CA8: variants seen among roughly 807,000 people sequenced by gnomAD.
The protein encoded by CA8 is carbonic anhydrase-related protein.
In CA8, 22 loss-of-function variants were observed where a neutral mutation model predicts 41.4. The observed-to-expected ratio is 0.53, with a 90% CI of 0.38 to 0.76. The LOEUF (loss-of-function observed/expected upper bound fraction) is 0.76, where lower values mean the gene tolerates loss of function less well. Ranked by LOEUF, CA8 falls within the 30% of genes least tolerant of loss-of-function variation. CA8 has a pLI of 0.00. For synonymous variants in CA8, 121 were observed against 130.6 expected (o/e 0.93, Z 0.50); for missense variants, 270 against 352.8 (o/e 0.77, Z 1.88).
intron 7 of CA8, among the ~76,000 whole-genome samples, chr8:60,213,529 G>T (rs1585858999): frequency 6.6e-6 from 1 of 152,194 alleles, no homozygotes; most frequent in African/African-American, 2.4e-5. Context: ...CACTGTCCAG[G>T]ATGGCAGCCA....
chr8:60,235,040 C>A (rs546371617), intron 3 of CA8, among the ~76,000 whole-genome samples: 1 of 152,312 alleles, frequency 6.6e-6, no homozygotes, highest in Non-Finnish European at 1.5e-5. Context: ...TCTGCACCTG[C>A]GCTGCCTCTC....
chr8:60,185,862 A>G lies in CA8; in HGVS notation c.*4159T>C, dbSNP rs1433513281. Among the ~76,000 whole-genome samples, 1 of 152,062 alleles carries G rather than the reference A, an allele frequency of 6.6e-6. No homozygotes were observed. The highest frequency in any genetic ancestry group is 6.6e-5 in the Admixed American group (1 of 15,258). On this transcript the variant is annotated 3_prime_UTR_variant, in exon 9 of 9. Transcript: ENST00000317995. ...AATTTGAATCCATTCCAAAAAAAAA[A>G]GGGCACTGGTAAATGTAATTATGTA... is the stretch of plus-strand genomic sequence containing the variant.
intron 3 of CA8, among the ~76,000 whole-genome samples, chr8:60,254,498 T>C (rs1428934097): frequency 1.3e-5 from 2 of 152,202 alleles, no homozygotes; most frequent in Non-Finnish European, 2.9e-5. Flanking sequence ...ACGTCAGCGC[T>C]GGTAAGTTAA....
At position 60,193,131 on chromosome 8, in the gene CA8, CACA is replaced by C. The variant is rs536127493; in HGVS notation, c.*36-3149_*36-3147del. ...TACATGTGTTAATTTTTCTTTCCTG[CACA>C]ACATTTTGTTTTCTCTGGAGTGATA... On this transcript the variant is annotated intron_variant, in intron 8 of 8. Coordinates refer to ENST00000317995, the MANE Select transcript of CA8 (RefSeq NM_004056.6). Among the ~76,000 whole-genome samples the C allele has an allele frequency of 2.2e-3, 342 of 152,224 alleles. 2 individuals carry two copies. Among genetic ancestry groups the C allele is most frequent in the Admixed American group, 4.3e-3 (65 of 15,268 alleles).
At chr8:60,244,361 G>C (rs1808146295) in intron 3 of CA8, among the ~76,000 whole-genome samples, 1 of 152,134 alleles carries the variant, frequency 6.6e-6, no homozygotes, top group Non-Finnish European at 1.5e-5. Flanking sequence ...CTGCTCATCA[G>C]GTGCTCCTAT....
At chr8:60,215,429 G>T (rs186881757) in intron 7 of CA8, among the ~76,000 whole-genome samples, 56 of 151,914 alleles carry the variant, frequency 3.7e-4, no homozygotes, top group Admixed American at 1.2e-3. Flanking sequence ...TGGGAAGGGG[G>T]TGAGGGATAA....
chr8:60,215,687 T>C (rs536606870), intron 7 of CA8, among the ~76,000 whole-genome samples: 1 of 152,272 alleles, frequency 6.6e-6, no homozygotes, highest in African/African-American at 2.4e-5. Context: ...CCAGGAATAA[T>C]ATGAAAAATT....
chr8:60,188,375 G>A lies in CA8; in HGVS notation c.*1646C>T, dbSNP rs142375914. 2.0e-5 allele frequency: 3 copies of A among 152,302 alleles called. No homozygotes were observed. Among genetic ancestry groups the A allele is most frequent in the Non-Finnish European group, 4.4e-5 (3 of 68,028 alleles). The allele number at this position is 152,302 out of a possible 1,614,324, so 9.4% of individuals were successfully genotyped here. On this transcript the variant is annotated 3_prime_UTR_variant, in exon 9 of 9. Coordinates refer to ENST00000317995, the MANE Select transcript of CA8 (RefSeq NM_004056.6). Reference sequence around the variant, plus strand: ...GCACCAACCCGGTCAGGAGTGGAGAGGCTGGTACCTGTGCAGTGTTTTGTT... The same window carrying A: ...GCACCAACCCGGTCAGGAGTGGAGAAGCTGGTACCTGTGCAGTGTTTTGTT...
chr8:60,216,109 C>T (rs1020261824), intron 7 of CA8, among the ~76,000 whole-genome samples: 2 of 152,178 alleles, frequency 1.3e-5, no homozygotes, highest in Non-Finnish European at 2.9e-5. Context: ...CTCTCTCCTC[C>T]CCTTCTCAAT....
chr8:60,270,969 T>C (rs754802182), intron 2 of CA8, among the ~76,000 whole-genome samples: 28 of 152,246 alleles, frequency 1.8e-4, no homozygotes, highest in Non-Finnish European at 3.7e-4. Flanking sequence ...CCGGGCAAAG[T>C]GAAGCACATG....
intron 6 of CA8, among the ~76,000 whole-genome samples, chr8:60,224,088 G>A (rs540355185): frequency 2.6e-5 from 4 of 151,936 alleles, no homozygotes; most frequent in East Asian, 3.9e-4. Context: ...TTGTTTGTTC[G>A]TTTGTTTGTT....
chr8:60,269,173 AG>A (rs1296549771), intron 2 of CA8, among the ~76,000 whole-genome samples: 1 of 152,230 alleles, frequency 6.6e-6, no homozygotes, highest in East Asian at 1.9e-4. Flanking sequence ...AATAAATAGC[AG>A]CTTCTATTTT....
intron 4 of CA8, 96 bp from the exon 5 acceptor site, chr8:60,227,031 CCTGTAACCCCAGCA>C (rs1807465322): frequency 1.2e-6 from 1 of 860,522 alleles, no homozygotes; most frequent in Non-Finnish European, 2.0e-6. Context: ...GTGGCTCATG[CCTGTAACCCCAGCA>C]CTTTGGGAGG....
rs551968042 is a variant in CA8 at position 60,187,249 on chromosome 8, G to A, written c.*2772C>T. 4 of 152,030 alleles carry A rather than the reference G, an allele frequency of 2.6e-5. 1 individual carries two copies. Among genetic ancestry groups the A allele is most frequent in the Admixed American group, 2.6e-4 (4 of 15,264 alleles). The allele number at this position is 152,030 out of a possible 1,614,324, so 9.4% of individuals were successfully genotyped here. Reference sequence around the variant, plus strand: ...CATTGCATCAAAAAGAAATTAAAAGGCAAAGTATTTTCTAATACCTTGAGA... The same window carrying A: ...CATTGCATCAAAAAGAAATTAAAAGACAAAGTATTTTCTAATACCTTGAGA... On this transcript the variant is annotated 3_prime_UTR_variant, in exon 9 of 9. Coordinates refer to ENST00000317995, the MANE Select transcript of CA8 (RefSeq NM_004056.6).
At chr8:60,217,498 C>G (rs59743106) in intron 7 of CA8, among the ~76,000 whole-genome samples, 55,837 of 152,030 alleles carry the variant, frequency 0.37, 10,721 homozygotes, top group Admixed American at 0.45. Flanking sequence ...CAGTGCACAT[C>G]CCTGGTTACA....
intron 3 of CA8, among the ~76,000 whole-genome samples, chr8:60,250,200 T>G (rs973141765): frequency 6.6e-5 from 10 of 152,220 alleles, no homozygotes; most frequent in African/African-American, 1.9e-4. Flanking sequence ...TTTAAATAGA[T>G]AAATAAGTAA....
chr8:60,239,260 T>A (rs35323112), intron 3 of CA8, among the ~76,000 whole-genome samples: 37,189 of 151,958 alleles, frequency 0.24, 5,538 homozygotes, highest in East Asian at 0.4. Flanking sequence ...TGAGCCACAA[T>A]TGAATTCAGT....
intron 2 of CA8, among the ~76,000 whole-genome samples, chr8:60,267,983 C>A (rs1803954166): frequency 1.3e-5 from 2 of 152,196 alleles, no homozygotes; most frequent in Non-Finnish European, 2.9e-5. Context: ...TCTTGGCTGT[C>A]CAAATTTGGT....
chr8:60,233,820 A>T (rs548067819), intron 3 of CA8, among the ~76,000 whole-genome samples: 1 of 152,256 alleles, frequency 6.6e-6, no homozygotes, highest in East Asian at 1.9e-4. Context: ...ACATTAATAA[A>T]CCACAAAAGC....
Sources: gnomAD v4.1 joint callset for allele counts (sites outside exome capture counted in the v4.1 genomes callset) on GRCh38, gnomAD v4.1.1 for gene constraint, MANE v1.5 for transcripts, NCBI Gene and HGNC (gene_info 2026-07-23, HGNC 2026-07-21) for gene names.